The following TBL3 variants were observed in gnomAD, a reference collection of about 807,000 sequenced individuals.
The protein encoded by TBL3 is transducin beta-like protein 3.
A neutral mutation model predicts 102.7 loss-of-function variants in TBL3; 71 were observed. That is an observed-to-expected ratio of 0.69 (90% CI 0.57 to 0.84). TBL3 has a LOEUF of 0.84. Ranked by LOEUF, TBL3 falls within the 40% of genes least tolerant of loss-of-function variation. The pLI is 0.00. For missense variants in TBL3, 1,188 were observed against 1,098.5 expected, an observed-to-expected ratio of 1.08 and a Z score of -1.15; for synonymous variants, 578 against 477.7, an observed-to-expected ratio of 1.21 and a Z score of -2.74.
At position 1,974,106 on chromosome 16, in the gene TBL3, A is replaced by G; in HGVS notation, c.92A>G (p.Gln31Arg). 1.3e-6 allele frequency: 2 copies of G among 1,585,720 alleles called. No homozygotes were observed. The highest frequency in any genetic ancestry group is 1.7e-6 in the Non-Finnish European group (2 of 1,160,770). Residue 31 changes from glutamine (Q) to arginine (R), a missense_variant and splice_region_variant, in exon 2 of 22, where the codon CAG becomes CGG. Gln to Arg is a conservative substitution (Grantham distance 43, BLOSUM62 1). Coordinates refer to ENST00000568546, the MANE Select transcript of TBL3 (RefSeq NM_006453.3). ...IEPFYKGGKAQLDQTGQHLFC... is the reference protein window; with the variant it reads ...IEPFYKGGKARLDQTGQHLFC... ...CCTTTCTACAAGGGCGGAAAAGCAC[A>G]GGTACCAGCCTGGGGAAGGGCAGTG...
rs187219682 is a variant in TBL3 at position 1,975,102 on chromosome 16, A to G, written c.635+4A>G. On this transcript the variant is annotated splice_donor_region_variant and intron_variant, in intron 7 of 21. Coordinates refer to ENST00000568546, the MANE Select transcript of TBL3 (RefSeq NM_006453.3). Reference sequence around the variant, plus strand: ...CCGACGGCCACACCATGCTCAGGTCAGCAGTGGGCCCTGGTAGGAGGGGGA... The same window carrying G: ...CCGACGGCCACACCATGCTCAGGTCGGCAGTGGGCCCTGGTAGGAGGGGGA... The G allele has an allele frequency of 2.5e-3, 4,046 of 1,612,042 alleles. 8 individuals carry two copies. Among genetic ancestry groups the G allele is most frequent in the Admixed American group, 4.5e-3 (270 of 60,008 alleles).
At position 1,978,850 on chromosome 16, in the gene TBL3, A is replaced by C; in HGVS notation, c.*165A>C. On this transcript the variant is annotated 3_prime_UTR_variant, in exon 22 of 22. Transcript: ENST00000568546. ...TGGAGCTGATGGTCTCGGCCCTGCC[A>C]CGCCCATCCCGCACCCTGGCCTGGC... 8.8e-7 allele frequency: 1 copy of C among 1,139,070 alleles called. No homozygotes were observed. The highest frequency in any genetic ancestry group is 1.2e-6 in the Non-Finnish European group (1 of 812,128). 70.6% of individuals were successfully genotyped at this position (1,139,070 alleles called of 1,614,324 possible).
chr16:1,974,904 C>T (rs2083387451), intron 6 of TBL3, 24 bp from the exon 7 acceptor site: 2 of 1,612,064 alleles, frequency 1.2e-6, no homozygotes, highest in Admixed American at 3.3e-5. Flanking sequence ...CACAGCTCAC[C>T]CATCCTGTCC....
In TBL3 at chr16:1,977,589, C is replaced by T. The variant is rs1456713520; in HGVS notation, c.1818C>T (p.Asp606=). 1 of 1,574,746 alleles carries T rather than the reference C, an allele frequency of 6.4e-7. No individual in the cohort carries two copies. Among genetic ancestry groups the T allele is most frequent in the Non-Finnish European group, 8.6e-7 (1 of 1,159,102 alleles). ...ECVRTLDAHE[D]KVWGLHCSRL... ...TGCGGACGCTGGATGCCCACGAGGA[C>T]AAGGTCTGGGGGCTGCACTGCAGCC... The change falls in exon 17 of 22, where the codon GAC becomes GAT. Residue 606 remains aspartate, a synonymous_variant. Transcript: ENST00000568546.
Position 1,974,205 on chromosome 16 carries a change from G to C in TBL3, c.102G>C (p.Gln34His). The change falls in exon 3 of 22, where the codon CAG (glutamine) becomes CAC (histidine). Residue 34 changes from glutamine to histidine, a missense_variant. Coordinates refer to ENST00000568546, the MANE Select transcript of TBL3 (RefSeq NM_006453.3). ...GACCTCTCTGTCCCCAGCTGGACCA[G>C]ACTGGCCAGCACCTCTTCTGCGTCT... Reference protein sequence around the residue: ...FYKGGKAQLDQTGQHLFCVCG... With the variant: ...FYKGGKAQLDHTGQHLFCVCG... 1 of 1,594,194 alleles carries C rather than the reference G, an allele frequency of 6.3e-7. No individual in the cohort carries two copies. Among genetic ancestry groups the C allele is most frequent in the Non-Finnish European group, 8.6e-7 (1 of 1,168,580 alleles).
In TBL3 at chr16:1,978,804, C is replaced by A; in HGVS notation, c.*119C>A. 1 of 1,352,642 alleles carries A rather than the reference C, an allele frequency of 7.4e-7. No individual in the cohort carries two copies. The highest frequency in any genetic ancestry group is 1.0e-6 in the Non-Finnish European group (1 of 992,204). 83.8% of individuals were successfully genotyped at this position (1,352,642 alleles called of 1,614,324 possible). On this transcript the variant is annotated 3_prime_UTR_variant, in exon 22 of 22. Coordinates refer to ENST00000568546, the MANE Select transcript of TBL3 (RefSeq NM_006453.3). ...GCCCCCCACCCTGGCCAACACCCTA[C>A]CTAGCCAGCCAGAAGGGCACTGGAG...
In TBL3 at chr16:1,975,375, G is replaced by C; in HGVS notation, c.742G>C (p.Glu248Gln). ...GGAGGCTGCTGTGCTGTTGCCAGAGGAGCCAGTGTCCCAGCTGGGTGTGAA... is the reference window on the plus strand; with the variant it reads ...GGAGGCTGCTGTGCTGTTGCCAGAGCAGCCAGTGTCCCAGCTGGGTGTGAA... ...SVEAAVLLPE[E>Q]PVSQLGVKSP... The change falls in exon 9 of 22, where the codon GAG becomes CAG. Residue 248 changes from glutamate to glutamine, a missense_variant. Coordinates refer to ENST00000568546, the MANE Select transcript of TBL3 (RefSeq NM_006453.3). The C allele has an allele frequency of 6.2e-7, 1 of 1,614,044 alleles. No homozygotes were observed. Among genetic ancestry groups the C allele is most frequent in the Non-Finnish European group, 8.5e-7 (1 of 1,180,026 alleles).
In TBL3 at chr16:1,980,032, T is replaced by A. The variant is rs201491122; in HGVS notation, c.*1347T>A. On this transcript the variant is annotated 3_prime_UTR_variant, in exon 22 of 22. Transcript: ENST00000568546. ...CCGCAGCAGCACGTCCAGGCTCTCC[T>A]GGGCCTGCGCCTGAAAAGGCCTATC... The A allele has an allele frequency of 5.5e-5, 89 of 1,606,630 alleles. No individual in the cohort carries two copies. Among genetic ancestry groups the A allele is most frequent in the Non-Finnish European group, 7.0e-5 (82 of 1,177,918 alleles).
chr16:1,978,242 G>T (rs778871468), intron 20 of TBL3, 22 bp downstream of exon 20: 1 of 1,612,544 alleles, frequency 6.2e-7, no homozygotes, highest in Non-Finnish European at 8.5e-7. Flanking sequence ...GTCAGGGTGG[G>T]TGGCCCGGTG....
rs774829511 is a variant in TBL3 at position 1,975,226 on chromosome 16, G to A, written c.675G>A (p.Gln225=). ...RDKICIIWDL[Q]SCQATRTVPV... ...AGATATGTATCATCTGGGACCTTCA[G>A]AGCTGCCAGGCCACGAGGACCGTGC... The change falls in exon 8 of 22, where the codon CAG becomes CAA. Residue 225 remains glutamine, a synonymous_variant. Transcript: ENST00000568546. 9.9e-6 allele frequency: 16 copies of A among 1,613,788 alleles called. No individual in the cohort carries two copies. The Admixed American group carries it at 2.2e-4, about 22-fold the overall frequency.
chr16:1,974,312 G>T lies in TBL3; in HGVS notation c.189+20G>T. Reference sequence around the variant, plus strand: ...GAGCAGGTGAGGGCAGCCTGGGTGGGTGAGGGGCAAGTGGAGAGGGCAGCC... The same window carrying T: ...GAGCAGGTGAGGGCAGCCTGGGTGGTTGAGGGGCAAGTGGAGAGGGCAGCC... On this transcript the variant is annotated intron_variant, in intron 3 of 21. Coordinates refer to ENST00000568546, the MANE Select transcript of TBL3 (RefSeq NM_006453.3). 6.3e-7 allele frequency: 1 copy of T among 1,583,688 alleles called. No individual in the cohort carries two copies. Among genetic ancestry groups the T allele is most frequent in the Non-Finnish European group, 8.6e-7 (1 of 1,162,054 alleles).
rs764328485 is a variant in TBL3 at position 1,974,202 on chromosome 16, C to G, written c.99C>G (p.Asp33Glu). 1.3e-6 allele frequency: 2 copies of G among 1,587,852 alleles called. No individual in the cohort carries two copies. Among genetic ancestry groups the G allele is most frequent in the Non-Finnish European group, 1.7e-6 (2 of 1,165,074 alleles). ...PFYKGGKAQL[D>E]QTGQHLFCVC... ...TGAGACCTCTCTGTCCCCAGCTGGA[C>G]CAGACTGGCCAGCACCTCTTCTGCG... Residue 33 changes from aspartate (D) to glutamate (E), a missense_variant, in exon 3 of 22, where the codon GAC (aspartate) becomes GAG (glutamate). By Grantham distance (45) the Asp-to-Glu change is conservative. Coordinates refer to ENST00000568546, the MANE Select transcript of TBL3 (RefSeq NM_006453.3).
Position 1,980,372 on chromosome 16 carries a change from G to A in TBL3, c.*1687G>A, listed in dbSNP as rs749740190. 2 of 1,600,494 alleles carry A rather than the reference G, an allele frequency of 1.2e-6. No homozygotes were observed. Among genetic ancestry groups the A allele is most frequent in the East Asian group, 4.5e-5 (2 of 44,836 alleles). ...GTTTGGGGCGAGTCAGGCACCTGCC[G>A]GGTGGCAGCGCGGGCTCCAGGTCCA... On this transcript the variant is annotated 3_prime_UTR_variant, in exon 22 of 22. Coordinates refer to ENST00000568546, the MANE Select transcript of TBL3 (RefSeq NM_006453.3).
Position 1,979,468 on chromosome 16 carries a change from C to T in TBL3, c.*783C>T. 3 of 1,611,566 alleles carry T rather than the reference C, an allele frequency of 1.9e-6. No homozygotes were observed. Among genetic ancestry groups the T allele is most frequent in the South Asian group, 1.1e-5 (1 of 90,934 alleles). ...CGGTCTGACGTTTCCAACACGCGCA[C>T]GCGCGCCCCCGCGGGCACGGACAGC... On this transcript the variant is annotated 3_prime_UTR_variant, in exon 22 of 22. Coordinates refer to ENST00000568546, the MANE Select transcript of TBL3 (RefSeq NM_006453.3).
chr16:1,977,393 C>A lies in TBL3; in HGVS notation c.1709C>A (p.Ala570Asp), dbSNP rs758993167. The A allele has an allele frequency of 6.2e-7, 1 of 1,613,130 alleles. No individual in the cohort carries two copies. The highest frequency in any genetic ancestry group is 2.2e-5 in the East Asian group (1 of 44,882). Residue 570 changes from alanine to aspartate, a missense_variant, in exon 16 of 22, where the codon GCC becomes GAC. Ala to Asp is a moderately radical substitution (Grantham distance 126). Transcript: ENST00000568546. Reference sequence around the variant, plus strand: ...CACGATGCTTCTGTGCTGAAGGTGGCCTTTGTGAGCCGTGGCACGCAGCTG... The same window carrying A: ...CACGATGCTTCTGTGCTGAAGGTGGACTTTGTGAGCCGTGGCACGCAGCTG... ...EGHDASVLKV[A>D]FVSRGTQLLS...
intron 20 of TBL3, 37 bp from the exon 21 acceptor site, chr16:1,978,276 T>G (rs2083421850): frequency 6.2e-7 from 1 of 1,611,572 alleles, no homozygotes; most frequent in Non-Finnish European, 8.5e-7. Flanking sequence ...CATGGCAGAT[T>G]GGCTGGGCAA....
chr16:1,973,911 C>T (rs1272295268), intron 1 of TBL3, 145 bp from the exon 2 acceptor site: 14 of 807,664 alleles, frequency 1.7e-5, no homozygotes, highest in Non-Finnish European at 3.6e-6. Flanking sequence ...CTGCTGGTTC[C>T]ACCCCATGCC....
At position 1,980,769 on chromosome 16, in the gene TBL3, C is replaced by T. The variant is rs769115299; in HGVS notation, c.*2084C>T. ...ACCAGGGCATTGGTCTTCCAGAGCCCACTGTGCACCCTTGAGAGGGCGGGG... is the reference window on the plus strand; with the variant it reads ...ACCAGGGCATTGGTCTTCCAGAGCCTACTGTGCACCCTTGAGAGGGCGGGG... On this transcript the variant is annotated 3_prime_UTR_variant, in exon 22 of 22. Coordinates refer to ENST00000568546, the MANE Select transcript of TBL3 (RefSeq NM_006453.3). 3.2e-6 allele frequency: 5 copies of T among 1,561,384 alleles called. No homozygotes were observed. Among genetic ancestry groups the T allele is most frequent in the Non-Finnish European group, 2.6e-6 (3 of 1,148,068 alleles).
In TBL3 at chr16:1,979,092, C is replaced by A; in HGVS notation, c.*407C>A. ...GGGGTGCGGCACAGAGTCCACGCACCCTCGAGGGCGGCCCTGGCGCCGTGG... is the reference window on the plus strand; with the variant it reads ...GGGGTGCGGCACAGAGTCCACGCACACTCGAGGGCGGCCCTGGCGCCGTGG... On this transcript the variant is annotated 3_prime_UTR_variant, in exon 22 of 22. Transcript: ENST00000568546. 1.3e-6 allele frequency: 2 copies of A among 1,510,806 alleles called. No homozygotes were observed. The highest frequency in any genetic ancestry group is 1.7e-6 in the Non-Finnish European group (2 of 1,144,848). The allele number at this position is 1,510,806 out of a possible 1,614,324, so 93.6% of individuals were successfully genotyped here.
Sources: allele counts gnomAD v4.1 joint callset, GRCh38; gene constraint gnomAD v4.1.1; transcripts MANE v1.5; gene names NCBI Gene and HGNC (gene_info 2026-07-23, HGNC 2026-07-21).